The following CHODL variants were observed in gnomAD, a reference collection of about 807,000 sequenced individuals.
The protein encoded by CHODL is chondrolectin.
In CHODL, 29 loss-of-function variants were observed where a neutral mutation model predicts 34.5. The ratio of observed to expected loss-of-function variants is 0.84; its 90% CI spans 0.63 to 1.15. The LOEUF (loss-of-function observed/expected upper bound fraction) is 1.15, where lower values mean the gene tolerates loss of function less well. Ranked by LOEUF, CHODL falls within the 50% of genes most tolerant of loss-of-function variation. The probability of loss-of-function intolerance (pLI) is 0.00; values close to 1 mark genes in which losing one functional copy is unlikely to be tolerated. For missense variants in CHODL, 332 were observed against 332.5 expected, an observed-to-expected ratio of 1.00 and a Z score of 0.01; for synonymous variants, 125 against 116.1, an observed-to-expected ratio of 1.08 and a Z score of -0.49.
At chr21:18,214,149 G>A (rs2073800725) in intron 2 of CHODL, among the ~76,000 whole-genome samples, 1 of 151,762 alleles carries the variant, frequency 6.6e-6, no homozygotes, top group African/African-American at 2.4e-5. Context: ...CCTTATTACT[G>A]GTTTAAATTT....
chr21:18,003,201 T>C (rs958133381), intron 1 of CHODL, among the ~76,000 whole-genome samples: 22 of 151,080 alleles, frequency 1.5e-4, no homozygotes, highest in African/African-American at 5.3e-4. Flanking sequence ...TTCTCGTGCA[T>C]TTCTCTTTTC....
At chr21:18,200,150 G>C (rs2073635706) in intron 2 of CHODL, among the ~76,000 whole-genome samples, 1 of 152,098 alleles carries the variant, frequency 6.6e-6, no homozygotes, top group Non-Finnish European at 1.5e-5. Flanking sequence ...AGCCATTAGA[G>C]ATTTGGGCTT....
intron 2 of CHODL, among the ~76,000 whole-genome samples, chr21:18,136,612 TGTGTGTGTGCGTGCGC>T (rs1279796806): frequency 6.6e-6 from 1 of 151,164 alleles, no homozygotes; most frequent in Non-Finnish European, 1.5e-5. Context: ...CCTGTGGGAG[TGTGTGTGTGCGTGCGC>T]ACACACATAT....
At chr21:17,963,245 TAG>T (rs1210961758) in intron 1 of CHODL, among the ~76,000 whole-genome samples, 1 of 152,164 alleles carries the variant, frequency 6.6e-6, no homozygotes, top group Non-Finnish European at 1.5e-5. Flanking sequence ...TATCCCAAAA[TAG>T]AGTTAGTTGA....
At chr21:18,216,316 AT>A (rs1170158510) in intron 2 of CHODL, among the ~76,000 whole-genome samples, 5 of 152,202 alleles carry the variant, frequency 3.3e-5, no homozygotes, top group Admixed American at 1.3e-4. Flanking sequence ...CTATTTTAAA[AT>A]AGACGATAAA....
At chr21:18,167,518 C>A (rs893652544) in intron 2 of CHODL, among the ~76,000 whole-genome samples, 6 of 151,868 alleles carry the variant, frequency 4.0e-5, no homozygotes, top group Admixed American at 2.6e-4. Context: ...ACCGTGTTAG[C>A]CAAGATGGTC....
chr21:18,026,031 T>C (rs975037962), intron 1 of CHODL, among the ~76,000 whole-genome samples: 6 of 152,192 alleles, frequency 3.9e-5, no homozygotes, highest in African/African-American at 1.2e-4. Context: ...CCCTAACAAT[T>C]GGTTTATTTC....
chr21:18,193,742 A>AATAT, intron 2 of CHODL, among the ~76,000 whole-genome samples: 1 of 150,848 alleles, frequency 6.6e-6, no homozygotes, highest in South Asian at 2.1e-4. Flanking sequence ...TAAATAAATA[A>AATAT]ATAAAAAATA....
chr21:18,041,872 C>A (rs1248924611), intron 2 of CHODL, among the ~76,000 whole-genome samples: 1 of 151,660 alleles, frequency 6.6e-6, no homozygotes, highest in Non-Finnish European at 1.5e-5. Context: ...CTAAAGGGAG[C>A]CAAATTCAAA....
At chr21:18,104,760 C>T (rs574362069) in intron 2 of CHODL, among the ~76,000 whole-genome samples, 1 of 152,304 alleles carries the variant, frequency 6.6e-6, no homozygotes, top group East Asian at 1.9e-4. Context: ...AATTGCTCTT[C>T]CTAATGATTC....
chr21:18,122,280 C>A (rs1353145397), intron 2 of CHODL, among the ~76,000 whole-genome samples: 1 of 152,098 alleles, frequency 6.6e-6, no homozygotes, highest in East Asian at 1.9e-4. Context: ...GACATACATT[C>A]TTTTTAAAAC....
At chr21:18,243,473 A>AT (rs1344962816), upstream of CHODL, among the ~76,000 whole-genome samples, 2 of 152,186 alleles carry the variant, frequency 1.3e-5, no homozygotes, top group Non-Finnish European at 2.9e-5. Flanking sequence ...TCTGCAATGA[A>AT]TTAGTGTTTT....
At chr21:17,949,560 G>A (rs964138728) in intron 1 of CHODL, among the ~76,000 whole-genome samples, 2 of 152,146 alleles carry the variant, frequency 1.3e-5, no homozygotes, top group Non-Finnish European at 1.5e-5. Context: ...AAATGGCTGT[G>A]TTCCCATATC....
At chr21:18,125,342 T>C (rs1568898633) in intron 2 of CHODL, among the ~76,000 whole-genome samples, 2 of 152,156 alleles carry the variant, frequency 1.3e-5, no homozygotes, top group African/African-American at 2.4e-5. Context: ...GATACTTGGA[T>C]TATGTCAACA....
chr21:18,080,183 T>C (rs1208970387), intron 2 of CHODL, among the ~76,000 whole-genome samples: 1 of 152,178 alleles, frequency 6.6e-6, no homozygotes, highest in Non-Finnish European at 1.5e-5. Flanking sequence ...ATTGGGTTAT[T>C]TGTTTATTTC....
At chr21:18,059,797 T>A (rs1300859004) in intron 2 of CHODL, among the ~76,000 whole-genome samples, 1 of 152,144 alleles carries the variant, frequency 6.6e-6, no homozygotes, top group East Asian at 1.9e-4. Context: ...GAGTGAACAA[T>A]GAGAACAAAC....
intron 2 of CHODL, among the ~76,000 whole-genome samples, chr21:18,179,641 C>G (rs1026417613): frequency 6.6e-6 from 1 of 152,136 alleles, no homozygotes; most frequent in Non-Finnish European, 1.5e-5. Context: ...CCAATTATGT[C>G]TGATAATGAC....
intron 2 of CHODL, among the ~76,000 whole-genome samples, chr21:18,166,188 G>A (rs1487501518): frequency 6.6e-6 from 1 of 152,152 alleles, no homozygotes; most frequent in Non-Finnish European, 1.5e-5. Flanking sequence ...TTGTCAGCTG[G>A]TGGATCTCCT....
intron 2 of CHODL, among the ~76,000 whole-genome samples, chr21:18,180,684 C>T (rs1326737712): frequency 6.6e-6 from 1 of 152,174 alleles, no homozygotes; most frequent in Non-Finnish European, 1.5e-5. Flanking sequence ...CAAATAAATA[C>T]TGGAGCAAAT....
Sources: gnomAD v4.1 joint callset for allele counts (sites outside exome capture counted in the v4.1 genomes callset) on GRCh38, gnomAD v4.1.1 for gene constraint, MANE v1.5 for transcripts, NCBI Gene and HGNC (gene_info 2026-07-23, HGNC 2026-07-21) for gene names.